LSAMP: variants seen among roughly 807,000 people sequenced by gnomAD.
LSAMP encodes the protein limbic system associated membrane protein.
A neutral mutation model predicts 38.6 loss-of-function variants in LSAMP; 7 were observed. The observed-to-expected ratio is 0.18, with a 90% CI of 0.10 to 0.34. The LOEUF (loss-of-function observed/expected upper bound fraction) is 0.34. LSAMP is among the 10% of genes least tolerant of loss of function. The pLI is 1.00. For missense variants in LSAMP, 313 were observed against 420.0 expected (o/e 0.75, Z 2.23); for synonymous variants, 154 against 166.8 (o/e 0.92, Z 0.59).
chr3:116,411,805 G>T (rs1056691279), intron 1 of LSAMP, among the ~76,000 whole-genome samples: 1 of 151,726 alleles, frequency 6.6e-6, no homozygotes, highest in African/African-American at 2.4e-5. Context: ...AAAAAAAGAG[G>T]TGGGACCTTT....
At chr3:116,162,496 C>G (rs558221758) in intron 1 of LSAMP, among the ~76,000 whole-genome samples, 5 of 152,236 alleles carry the variant, frequency 3.3e-5, no homozygotes, top group South Asian at 2.1e-4. Flanking sequence ...AGTTGGGAAA[C>G]TATTCCCTAT....
chr3:116,017,088 C>A (rs1049656621), intron 3 of LSAMP, among the ~76,000 whole-genome samples: 7 of 151,998 alleles, frequency 4.6e-5, no homozygotes, highest in African/African-American at 1.4e-4. Context: ...ATTAAGGGGT[C>A]AAGTCACATG....
chr3:116,297,832 G>T (rs1384340607), intron 1 of LSAMP, among the ~76,000 whole-genome samples: 1 of 152,140 alleles, frequency 6.6e-6, no homozygotes, highest in African/African-American at 2.4e-5. Context: ...TATAGGATGA[G>T]TGAAAAAACA....
intron 1 of LSAMP, among the ~76,000 whole-genome samples, chr3:116,157,745 G>T (rs1279247735): frequency 6.6e-6 from 1 of 151,820 alleles, no homozygotes; most frequent in African/African-American, 2.4e-5. Context: ...CTATGGATCC[G>T]ATGGATTCAC....
intron 1 of LSAMP, among the ~76,000 whole-genome samples, chr3:116,302,562 T>C (rs879862550): frequency 2.6e-5 from 4 of 152,246 alleles, no homozygotes; most frequent in Non-Finnish European, 5.9e-5. Context: ...CATAACTTTT[T>C]GTAGACTGTT....
intron 2 of LSAMP, among the ~76,000 whole-genome samples, chr3:116,066,017 C>T (rs1707419248): frequency 6.6e-6 from 1 of 152,162 alleles, no homozygotes; most frequent in Non-Finnish European, 1.5e-5. Flanking sequence ...TTTATGCAGG[C>T]TGCTATAACA....
At chr3:116,259,847 C>G (rs1349390222) in intron 1 of LSAMP, among the ~76,000 whole-genome samples, 2 of 152,176 alleles carry the variant, frequency 1.3e-5, no homozygotes, top group Non-Finnish European at 2.9e-5. Context: ...CTTCTTAGCT[C>G]TCTGCCTTTA....
intron 1 of LSAMP, among the ~76,000 whole-genome samples, chr3:116,373,169 G>T (rs1239430682): frequency 6.6e-6 from 1 of 151,216 alleles, no homozygotes; most frequent in Admixed American, 6.6e-5. Context: ...CAACCTAACT[G>T]CCCAGTGACA....
At chr3:116,036,068 A>G (rs142180912) in intron 2 of LSAMP, among the ~76,000 whole-genome samples, 1 of 152,244 alleles carries the variant, frequency 6.6e-6, no homozygotes, top group African/African-American at 2.4e-5. Context: ...ACTGGACTAC[A>G]TGAGCAAGAA....
intron 1 of LSAMP, among the ~76,000 whole-genome samples, chr3:116,428,536 A>G (rs1163834640): frequency 2.0e-5 from 3 of 152,180 alleles, no homozygotes; most frequent in African/African-American, 4.8e-5. Context: ...TGCATTTTTC[A>G]TTATACAAGA....
chr3:116,375,486 C>T (rs1310060974), intron 1 of LSAMP, among the ~76,000 whole-genome samples: 1 of 151,814 alleles, frequency 6.6e-6, no homozygotes, highest in Non-Finnish European at 1.5e-5. Context: ...TCACCTAATG[C>T]TAAACACCAC....
intron 1 of LSAMP, among the ~76,000 whole-genome samples, chr3:116,166,782 T>G (rs1011337386): frequency 2.0e-5 from 3 of 147,720 alleles, no homozygotes; most frequent in Non-Finnish European, 4.5e-5. Context: ...TTTAGTTTTT[T>G]TTTTGTTTTT....
intron 3 of LSAMP, among the ~76,000 whole-genome samples, chr3:115,952,360 C>A (rs977930494): frequency 2.6e-5 from 4 of 152,076 alleles, no homozygotes; most frequent in African/African-American, 4.8e-5. Context: ...ATGTGGTATA[C>A]AAACACCATG....
chr3:116,097,885 A>G (rs1708258876), intron 1 of LSAMP, among the ~76,000 whole-genome samples: 1 of 151,804 alleles, frequency 6.6e-6, no homozygotes, highest in Admixed American at 6.6e-5. Context: ...ACAGGCATGC[A>G]CCACCATACC....
At chr3:115,822,427 C>T (rs1934274099) in intron 6 of LSAMP, among the ~76,000 whole-genome samples, 1 of 146,514 alleles carries the variant, frequency 6.8e-6, no homozygotes, top group African/African-American at 2.5e-5. Context: ...ATGGCCCGAT[C>T]TCGGCCCACC....
intron 1 of LSAMP, among the ~76,000 whole-genome samples, chr3:116,330,720 C>A (rs2047840239): frequency 1.3e-5 from 2 of 152,144 alleles, no homozygotes; most frequent in South Asian, 4.1e-4. Flanking sequence ...AAGTTTAACT[C>A]TCAGGCTGAT....
chr3:115,857,910 C>G (rs981180293), intron 3 of LSAMP, among the ~76,000 whole-genome samples: 2 of 152,188 alleles, frequency 1.3e-5, no homozygotes, highest in Admixed American at 6.5e-5. Context: ...CCAGGAATAA[C>G]TCCAATTAAA....
chr3:115,922,805 A>T (rs565758913), intron 3 of LSAMP, among the ~76,000 whole-genome samples: 71 of 152,250 alleles, frequency 4.7e-4, no homozygotes, highest in Non-Finnish European at 8.1e-4. Context: ...TCATGTGAAG[A>T]GGAGAGAGGT....
At chr3:116,333,894 A>C (rs1480752815) in intron 1 of LSAMP, among the ~76,000 whole-genome samples, 1 of 151,866 alleles carries the variant, frequency 6.6e-6, no homozygotes, top group East Asian at 1.9e-4. Context: ...ATAAATAATA[A>C]AGATTAGAGA....
Sources: allele counts gnomAD v4.1 joint callset (sites outside exome capture counted in the v4.1 genomes callset), GRCh38; gene constraint gnomAD v4.1.1; transcripts MANE v1.5; gene names NCBI Gene and HGNC (gene_info 2026-07-23, HGNC 2026-07-21).